The following DHX37 variants were observed in gnomAD, a reference collection of about 807,000 sequenced individuals.
The protein encoded by DHX37 is probable ATP-dependent RNA helicase DHX37.
DHX37 carries 52 observed loss-of-function variants against 134.3 expected under a neutral mutation model. The ratio of observed to expected loss-of-function variants is 0.39; its 90% CI spans 0.31 to 0.49. The LOEUF (loss-of-function observed/expected upper bound fraction) is 0.49, where lower values mean the gene tolerates loss of function less well. Among genes scored for constraint, DHX37 ranks in the 20% least tolerant of loss-of-function variants. The pLI, the probability that DHX37 is intolerant of heterozygous loss-of-function variation, is 0.93. For synonymous variants in DHX37, 634 were observed against 670.7 expected, an observed-to-expected ratio of 0.95 and a Z score of 0.85; for missense variants, 1,344 against 1,580.8, an observed-to-expected ratio of 0.85 and a Z score of 2.54.
intron 4 of DHX37, among the ~76,000 whole-genome samples, chr12:124,977,825 A>G (rs1954676966): frequency 6.6e-6 from 1 of 152,158 alleles, no homozygotes; most frequent in African/African-American, 2.4e-5. Flanking sequence ...ATTTTCTCAA[A>G]GTTAAGATGT....
intron 16 of DHX37, among the ~76,000 whole-genome samples, chr12:124,958,323 G>A (rs1163537065): frequency 6.6e-6 from 1 of 152,208 alleles, no homozygotes; most frequent in Non-Finnish European, 1.5e-5. Context: ...GGGGAAGGCA[G>A]GAGGGGGCCT....
rs1337292205 is a variant in DHX37 at position 124,947,880 on chromosome 12, C to T, written c.3396G>A (p.Leu1132=). The change falls in exon 27 of 27, where the codon CTG becomes CTA. Residue 1132 remains leucine, a synonymous_variant. Coordinates refer to ENST00000308736, the MANE Select transcript of DHX37 (RefSeq NM_032656.4). ...AAWKKNPKYL[L]AEYCEWLPQA... Reference sequence around the variant, plus strand: ...GTGGAAGCCACTCACAGTACTCAGCCAGCAGGTCTGCAGGGGAGGGAAGGA... The same window carrying T: ...GTGGAAGCCACTCACAGTACTCAGCTAGCAGGTCTGCAGGGGAGGGAAGGA... 1 of 1,609,998 alleles carries T rather than the reference C, an allele frequency of 6.2e-7. No individual in the cohort carries two copies. Among genetic ancestry groups the T allele is most frequent in the Non-Finnish European group, 8.5e-7 (1 of 1,177,760 alleles).
At chr12:124,987,987 CTTTTTT>C (rs11349687) in intron 1 of DHX37, among the ~76,000 whole-genome samples, 1 of 79,694 alleles carries the variant, frequency 1.3e-5, no homozygotes, top group Admixed American at 1.5e-4. Context: ...GTCTGTGGAA[CTTTTTT>C]TTTTTTTTTT....
chr12:124,981,994 A>G lies in DHX37; in HGVS notation c.389+517T>C, dbSNP rs554561637. ...CAAAATTAGCCGGGCTTGGTGGTGC[A>G]TGCCTGTAATCCCAGCTACTTGGGA... On this transcript the variant is annotated intron_variant, in intron 3 of 26. Transcript: ENST00000308736. Among the ~76,000 whole-genome samples, 4 of 151,996 alleles carry G rather than the reference A, an allele frequency of 2.6e-5. No individual in the cohort carries two copies. The South Asian group carries it at 8.3e-4, about 32-fold the overall frequency.
At chr12:124,965,143 G>A in intron 13 of DHX37, 137 bp from the exon 14 acceptor site, 1 of 962,702 alleles carries the variant, frequency 1.0e-6, no homozygotes, top group Non-Finnish European at 1.5e-6. Context: ...GCTCCCCTTG[G>A]GACCAGCCAG....
At chr12:124,982,695 A>C (rs1954783023) in intron 2 of DHX37, 72 bp from the exon 3 acceptor site, 3 of 1,563,710 alleles carry the variant, frequency 1.9e-6, no homozygotes, top group Non-Finnish European at 2.6e-6. Flanking sequence ...TGAGACTGTA[A>C]TAAAATTTCA....
intron 5 of DHX37, among the ~76,000 whole-genome samples, chr12:124,976,677 A>C (rs911219678): frequency 2.6e-5 from 4 of 152,050 alleles, no homozygotes; most frequent in Admixed American, 2.6e-4. Context: ...AAAATACAAA[A>C]AAATTAGCTG....
chr12:124,971,741 G>A (rs1352837681), intron 7 of DHX37, among the ~76,000 whole-genome samples: 3 of 152,178 alleles, frequency 2.0e-5, no homozygotes, highest in Non-Finnish European at 4.4e-5. Context: ...ATCCCCCTGG[G>A]AGATTGGCCC....
intron 6 of DHX37, among the ~76,000 whole-genome samples, chr12:124,974,496 A>AG (rs1258882520): frequency 2.6e-5 from 2 of 76,394 alleles, no homozygotes; most frequent in African/African-American, 1.4e-4. Context: ...TGGCATGCTG[A>AG]CCCGGGGGCC....
intron 8 of DHX37, 26 bp from the exon 9 acceptor site, chr12:124,968,994 G>A (rs10846795): frequency 0.28 from 444,031 of 1,605,876 alleles, 64,892 homozygotes; most frequent in Non-Finnish European, 0.3. Flanking sequence ...CTCAGTGACC[G>A]TGGCCCCAGG....
intron 5 of DHX37, among the ~76,000 whole-genome samples, chr12:124,975,744 G>T (rs568225260): frequency 7.0e-4 from 107 of 152,320 alleles, no homozygotes; most frequent in African/African-American, 2.4e-3. Context: ...CCGCTAGAAG[G>T]AACGGGGCCT....
Position 124,970,836 on chromosome 12 carries a change from G to A in DHX37, c.1191+466C>T, listed in dbSNP as rs2023070130. Among the ~76,000 whole-genome samples the A allele has an allele frequency of 2.7e-5, 4 of 147,708 alleles. No homozygotes were observed. In the Admixed American group the frequency reaches 2.7e-4, roughly 10 times the overall value. On this transcript the variant is annotated intron_variant, in intron 8 of 26. Coordinates refer to ENST00000308736, the MANE Select transcript of DHX37 (RefSeq NM_032656.4). ...CCTACTGCATGAAGCCGCGCCCCAG[G>A]GTGGCACCCACCAACTCAGCAGGCC...
intron 8 of DHX37, among the ~76,000 whole-genome samples, chr12:124,969,850 G>A (rs1954478168): frequency 6.6e-6 from 1 of 151,858 alleles, no homozygotes; most frequent in Admixed American, 6.6e-5. Context: ...AAGCCCAGAA[G>A]GTCGGGGTTG....
intron 13 of DHX37, among the ~76,000 whole-genome samples, chr12:124,965,272 C>T (rs867185475): frequency 2.0e-5 from 3 of 152,208 alleles, no homozygotes; most frequent in Admixed American, 6.5e-5. Context: ...GCATGGATCC[C>T]GGGAGCCTGA....
intron 7 of DHX37, 55 bp from the exon 8 acceptor site, chr12:124,971,470 C>A: frequency 1.9e-6 from 3 of 1,584,706 alleles, no homozygotes; most frequent in Non-Finnish European, 2.6e-6. Flanking sequence ...CCAAGGGCCG[C>A]TTCACGTCCC....
In DHX37 at chr12:124,985,876, G is replaced by A. The variant is rs550543477; in HGVS notation, c.276+220C>T. ...CAAGGAAAAAAGTTTGACATTCTCC[G>A]GAACAGTTCAGTTCAGTTCCTCTGC... is the stretch of plus-strand genomic sequence containing the variant. On this transcript the variant is annotated intron_variant, in intron 2 of 26. Transcript: ENST00000308736. Among the ~76,000 whole-genome samples the A allele has an allele frequency of 7.1e-4, 107 of 151,158 alleles. 1 individual carries two copies. The highest frequency in any genetic ancestry group is 3.4e-3 in the Middle Eastern group (1 of 292).
Position 124,949,990 on chromosome 12 carries a change from C to T in DHX37, c.3286G>A (p.Ala1096Thr). The T allele has an allele frequency of 6.2e-7, 1 of 1,609,520 alleles. No homozygotes were observed. Among genetic ancestry groups the T allele is most frequent in the Non-Finnish European group, 8.5e-7 (1 of 1,177,636 alleles). ...SSPGTMLKTW[A>T]RLQPRTESLL... Reference sequence around the variant, plus strand: ...GGCTCCCACCGAAGGCAGTACCTGGCCCACGTCTTCAGCATGGTGCCGGGG... The same window carrying T: ...GGCTCCCACCGAAGGCAGTACCTGGTCCACGTCTTCAGCATGGTGCCGGGG... The change falls in exon 25 of 27, where the codon GCC (alanine) becomes ACC (threonine). Residue 1096 changes from alanine to threonine, a missense_variant. Ala to Thr is a moderately conservative substitution (Grantham distance 58, BLOSUM62 0). Around this residue, in one of 7 missense-constraint regions of DHX37, gnomAD observed 558 missense variants for 650.0 expected, o/e 0.86. Transcript: ENST00000308736. This position sits in a 1 kb window ranked among gnomAD's most constrained non-coding sequence, Gnocchi z 4.0.
intron 6 of DHX37, among the ~76,000 whole-genome samples, chr12:124,974,729 TG>T (rs1290823495): frequency 1.6e-4 from 25 of 152,042 alleles, no homozygotes; most frequent in Non-Finnish European, 8.8e-5. Flanking sequence ...TATATCTGCC[TG>T]TTCAAGGCTG....
intron 12 of DHX37, among the ~76,000 whole-genome samples, 195 bp from the exon 13 acceptor site, chr12:124,966,007 T>C (rs1021877534): frequency 6.6e-6 from 1 of 152,186 alleles, no homozygotes. Flanking sequence ...TCATAGACCT[T>C]GTCTCCCAGG....
Sources: allele counts gnomAD v4.1 joint callset (sites outside exome capture counted in the v4.1 genomes callset), GRCh38; gene constraint gnomAD v4.1.1; regional missense constraint gnomAD v4.1.1; non-coding constraint Gnocchi (gnomAD v3.1); transcripts MANE v1.5; gene names NCBI Gene and HGNC (gene_info 2026-07-23, HGNC 2026-07-21).